The following AAAS variants were observed in gnomAD, a reference collection of about 807,000 sequenced individuals.
AAAS encodes aladin WD repeat nucleoporin.
Under a neutral mutation model 75.6 loss-of-function variants are expected in AAAS, and 60 were observed. The ratio of observed to expected loss-of-function variants is 0.79; its 90% CI spans 0.64 to 0.98. The LOEUF is 0.98. Among genes scored for constraint, AAAS ranks in the 50% least tolerant of loss-of-function variants. The pLI, the probability that AAAS is intolerant of heterozygous loss-of-function variation, is 0.00. For missense variants in AAAS, 658 were observed against 686.9 expected, an observed-to-expected ratio of 0.96 and a Z score of 0.47; for synonymous variants, 271 against 265.0, an observed-to-expected ratio of 1.02 and a Z score of -0.22.
chr12:53,319,201 CTTT>C (rs113552254), intron 2 of AAAS, among the ~76,000 whole-genome samples: 2 of 145,584 alleles, frequency 1.4e-5, no homozygotes. Flanking sequence ...TTAAGTAACC[CTTT>C]TTTTTTTTTT....
chr12:53,318,223 A>AGTGTGTGTGTGT (rs71443291), intron 2 of AAAS, among the ~76,000 whole-genome samples: 1,701 of 136,928 alleles, frequency 0.012, 20 homozygotes, highest in African/African-American at 0.023. Context: ...ATGGGGTTTC[A>AGTGTGTGTGTGT]GTGTGTGTGT....
chr12:53,307,868 T>C lies in AAAS; in HGVS notation c.1393A>G (p.Asn465Asp). The C allele has an allele frequency of 6.2e-7, 1 of 1,614,176 alleles. No individual in the cohort carries two copies. The highest frequency in any genetic ancestry group is 8.5e-7 in the Non-Finnish European group (1 of 1,180,032). Reference protein sequence around the residue: ...PQLITFHPSFNKGALLSVGWS... With the variant: ...PQLITFHPSFDKGALLSVGWS... ...ACCACACTGAGCAGGGCCCCTTTGTTGAAGGAAGGATGGAAAGTGATGAGC... is the reference window on the plus strand; with the variant it reads ...ACCACACTGAGCAGGGCCCCTTTGTCGAAGGAAGGATGGAAAGTGATGAGC... The change falls in exon 15 of 16, where the codon AAC becomes GAC. Residue 465 changes from asparagine to aspartate, a missense_variant. By Grantham distance (23) the Asn-to-Asp change is conservative (BLOSUM62 1). Coordinates refer to ENST00000209873, the MANE Select transcript of AAAS (RefSeq NM_015665.6).
At chr12:53,308,666 A>G in intron 11 of AAAS, 59 bp downstream of exon 11, 1 of 1,604,934 alleles carries the variant, frequency 6.2e-7, no homozygotes, top group Non-Finnish European at 8.5e-7. Flanking sequence ...GCTGCATCTT[A>G]CCAAAGGTTG....
intron 2 of AAAS, among the ~76,000 whole-genome samples, chr12:53,316,354 GC>G (rs1944460467): frequency 6.6e-6 from 1 of 151,868 alleles, no homozygotes. Context: ...GGAGGCTGAG[GC>G]AGGGCAGGAG....
Position 53,321,569 on chromosome 12 carries a change from G to C in AAAS, c.-104C>G, listed in dbSNP as rs1944559150. On this transcript the variant is annotated 5_prime_UTR_variant, in exon 1 of 16. Transcript: ENST00000209873. ...CCGGGCTAGATTCGTATGCGGACGG[G>C]TACCGCAAGGGACAAACGGCGAGGC... 1 of 1,586,494 alleles carries C rather than the reference G, an allele frequency of 6.3e-7. No individual in the cohort carries two copies. Among genetic ancestry groups the C allele is most frequent in the Admixed American group, 1.7e-5 (1 of 59,956 alleles).
At chr12:53,313,049 G>T (rs1944414415) in intron 7 of AAAS, among the ~76,000 whole-genome samples, 1 of 151,194 alleles carries the variant, frequency 6.6e-6, no homozygotes. Context: ...GTAAAGATGG[G>T]GTTTCACCGT....
intron 7 of AAAS, among the ~76,000 whole-genome samples, chr12:53,312,577 A>AG (rs1189314495): frequency 2.0e-5 from 3 of 151,042 alleles, no homozygotes; most frequent in African/African-American, 7.3e-5. Context: ...AAAAAAAAAA[A>AG]GAAATCAAAC....
At chr12:53,318,002 C>T (rs1944489923) in intron 2 of AAAS, among the ~76,000 whole-genome samples, 1 of 152,122 alleles carries the variant, frequency 6.6e-6, no homozygotes, top group Non-Finnish European at 1.5e-5. Context: ...TATGACAATC[C>T]TACAAGATAG....
Position 53,321,534 on chromosome 12 carries a change from A to G in AAAS, c.-69T>C. 6.2e-7 allele frequency: 1 copy of G among 1,609,710 alleles called. No homozygotes were observed. The highest frequency in any genetic ancestry group is 1.1e-5 in the South Asian group (1 of 91,006). ...GGAACGGCACAGACCGCACTCCCGC[A>G]ACTCGGTTCCCGGGCTAGATTCGTA... On this transcript the variant is annotated 5_prime_UTR_variant, in exon 1 of 16. Transcript: ENST00000209873.
intron 7 of AAAS, among the ~76,000 whole-genome samples, chr12:53,312,800 CGTGT>C (rs1944409282): frequency 6.9e-6 from 1 of 144,358 alleles, no homozygotes; most frequent in Non-Finnish European, 1.5e-5. Flanking sequence ...TATATATATA[CGTGT>C]ATATATATGT....
chr12:53,317,350 GATCAAGACC>G (rs1241953637), intron 2 of AAAS, among the ~76,000 whole-genome samples: 5 of 151,972 alleles, frequency 3.3e-5, no homozygotes, highest in Non-Finnish European at 7.4e-5. Flanking sequence ...AAGGTCAAGA[GATCAAGACC>G]ATCCTGGCTA....
Position 53,307,514 on chromosome 12 carries a change from G to T in AAAS, c.1616C>A (p.Pro539His), listed in dbSNP as rs775217758. ...TTAGAGGTGGGAATGTGGGGAGTGG[G>T]GCAGAACAGGTGGTGGCCCTGGGAG... ...DPLPGPPPVL[P>H]HSPHSHL The change falls in exon 16 of 16, where the codon CCC becomes CAC. Residue 539 changes from proline to histidine, a missense_variant. By Grantham distance (77) the Pro-to-His change is moderately conservative. Transcript: ENST00000209873. 4 of 1,614,026 alleles carry T rather than the reference G, an allele frequency of 2.5e-6. No individual in the cohort carries two copies. In the South Asian group the frequency reaches 4.4e-5, roughly 18 times the overall value.
At chr12:53,318,223 A>AGTGTGTGTGT (rs71443291) in intron 2 of AAAS, among the ~76,000 whole-genome samples, 35,252 of 136,614 alleles carry the variant, frequency 0.26, 5,274 homozygotes, top group East Asian at 0.51. Flanking sequence ...ATGGGGTTTC[A>AGTGTGTGTGT]GTGTGTGTGT....
In AAAS at chr12:53,321,561, G is replaced by T; in HGVS notation, c.-96C>A. The T allele has an allele frequency of 1.3e-6, 2 of 1,598,374 alleles. No individual in the cohort carries two copies. Among genetic ancestry groups the T allele is most frequent in the Non-Finnish European group, 1.7e-6 (2 of 1,174,560 alleles). ...CTCGGTTCCCGGGCTAGATTCGTAT[G>T]CGGACGGGTACCGCAAGGGACAAAC... On this transcript the variant is annotated 5_prime_UTR_variant, in exon 1 of 16. Coordinates refer to ENST00000209873, the MANE Select transcript of AAAS (RefSeq NM_015665.6).
intron 7 of AAAS, among the ~76,000 whole-genome samples, chr12:53,313,105 C>T (rs766138504): frequency 6.6e-6 from 1 of 150,890 alleles, no homozygotes; most frequent in Non-Finnish European, 1.5e-5. Context: ...ATCCACCCGC[C>T]TCAGCCTCCC....
chr12:53,311,342 C>CG (rs1179923834), intron 7 of AAAS, among the ~76,000 whole-genome samples: 1 of 152,202 alleles, frequency 6.6e-6, no homozygotes, highest in East Asian at 1.9e-4. Flanking sequence ...CTCACTGAAA[C>CG]GTCCACCTCC....
rs751517371 is a variant in AAAS at position 53,315,769 on chromosome 12, G to C, written c.265C>G (p.Leu89Val). The C allele has an allele frequency of 2.5e-6, 4 of 1,613,712 alleles. No homozygotes were observed. Among genetic ancestry groups the C allele is most frequent in the Non-Finnish European group, 2.5e-6 (3 of 1,179,924 alleles). Residue 89 changes from leucine to valine, a missense_variant, in exon 3 of 16, where the codon CTT (leucine) becomes GTT (valine). Physicochemically the swap from Leu to Val is conservative, Grantham distance 32. Transcript: ENST00000209873. ...RCINIWRDVG[L>V]FGVLNEIANS... is the part of the protein sequence containing the mutation. ...GCAATTTCATTTAGCACCCCAAAAA[G>C]GCCCACATCACGCCTGATAAGGGAG...
In AAAS at chr12:53,315,319, A is replaced by G; in HGVS notation, c.399+16T>C. ...ACACAGCAAATGCAGAGGGCTGGGG[A>G]GGAAGCCAAACTTACAGACAGATGG... On this transcript the variant is annotated intron_variant, in intron 4 of 15. Transcript: ENST00000209873. The G allele has an allele frequency of 6.2e-7, 1 of 1,613,722 alleles. No homozygotes were observed. Among genetic ancestry groups the G allele is most frequent in the South Asian group, 1.1e-5 (1 of 91,070 alleles).
chr12:53,308,758 G>C lies in AAAS; in HGVS notation c.1054C>G (p.Leu352Val), dbSNP rs1436065995. 1.9e-6 allele frequency: 3 copies of C among 1,614,034 alleles called. No individual in the cohort carries two copies. In the African/African-American group the frequency reaches 4.0e-5, roughly 22 times the overall value. ...RLLFTVLGEPLIYSLSFPERC... is the reference protein window; with the variant it reads ...RLLFTVLGEPVIYSLSFPERC... ...TCTGGAAAAGACAGGGAGTAAATCAGTGGCTCTCCCAATACAGTGAACAGC... is the reference window on the plus strand; with the variant it reads ...TCTGGAAAAGACAGGGAGTAAATCACTGGCTCTCCCAATACAGTGAACAGC... Residue 352 changes from leucine to valine, a missense_variant, in exon 11 of 16, where the codon CTG (leucine) becomes GTG (valine). Physicochemically the swap from Leu to Val is conservative, Grantham distance 32 (BLOSUM62 1). Transcript: ENST00000209873.
Sources: gnomAD v4.1 joint callset for allele counts (sites outside exome capture counted in the v4.1 genomes callset) on GRCh38, gnomAD v4.1.1 for gene constraint, MANE v1.5 for transcripts, NCBI Gene and HGNC (gene_info 2026-07-23, HGNC 2026-07-21) for gene names.